MYO5B: variants seen among roughly 807,000 people sequenced by gnomAD.
MYO5B encodes the protein myosin VB.
A neutral mutation model predicts 229.3 loss-of-function variants in MYO5B; 143 were observed. That is an observed-to-expected ratio of 0.62 (90% CI 0.54 to 0.72). The LOEUF (loss-of-function observed/expected upper bound fraction) is 0.72. Ranked by LOEUF, MYO5B falls within the 30% of genes least tolerant of loss-of-function variation. MYO5B has a pLI of 0.00. For missense variants in MYO5B, 2,321 were observed against 2,331.0 expected (o/e 1.00, Z 0.09); for synonymous variants, 918 against 885.2 (o/e 1.04, Z -0.66).
intron 4 of MYO5B, among the ~76,000 whole-genome samples, chr18:50,018,419 T>C (rs12327341): frequency 0.11 from 17,335 of 152,294 alleles, 1,254 homozygotes; most frequent in Middle Eastern, 0.19. Context: ...CAATTGTTCA[T>C]TCCTTATATG....
At chr18:49,940,209 A>C (rs1373889077) in intron 14 of MYO5B, among the ~76,000 whole-genome samples, 1 of 152,246 alleles carries the variant, frequency 6.6e-6, no homozygotes, top group Non-Finnish European at 1.5e-5. Flanking sequence ...AGCATATCAA[A>C]ACAACGCAAT....
chr18:49,996,684 T>A (rs1028625534), intron 5 of MYO5B, among the ~76,000 whole-genome samples: 1 of 152,162 alleles, frequency 6.6e-6, no homozygotes, highest in Non-Finnish European at 1.5e-5. Flanking sequence ...TATCAAGTAG[T>A]ATGAAAACAC....
chr18:49,962,186 T>G, intron 12 of MYO5B, 80 bp downstream of exon 12: 1 of 1,587,378 alleles, frequency 6.3e-7, no homozygotes, highest in Non-Finnish European at 8.7e-7. Flanking sequence ...CAGATGAAAT[T>G]CCACCTTTGA....
chr18:50,190,667 G>A (rs2144363210), intron 1 of MYO5B, among the ~76,000 whole-genome samples: 1 of 152,254 alleles, frequency 6.6e-6, no homozygotes, highest in East Asian at 1.9e-4. Flanking sequence ...CACTTGAAGG[G>A]AACAGATCAA....
intron 32 of MYO5B, among the ~76,000 whole-genome samples, chr18:49,847,504 A>C (rs983722724): frequency 6.6e-6 from 1 of 152,170 alleles, no homozygotes; most frequent in Non-Finnish European, 1.5e-5. Flanking sequence ...CCACACCCCA[A>C]GTGTGAGGAG....
intron 9 of MYO5B, among the ~76,000 whole-genome samples, chr18:49,976,943 A>T (rs1416419417): frequency 6.6e-6 from 1 of 152,218 alleles, no homozygotes; most frequent in Non-Finnish European, 1.5e-5. Context: ...AGAAATTCTT[A>T]ATTGCTAGGC....
intron 4 of MYO5B, among the ~76,000 whole-genome samples, chr18:50,025,060 C>T (rs73959844): frequency 0.031 from 4,693 of 152,200 alleles, 224 homozygotes; most frequent in African/African-American, 0.1. Flanking sequence ...TTATGTGGTG[C>T]CTACTGTCCT....
At position 50,055,536 on chromosome 18, in the gene MYO5B, CATG is replaced by C. The variant is rs1451593904; in HGVS notation, c.28-161_28-159del. On this transcript the variant is annotated intron_variant, in intron 1 of 39. Transcript: ENST00000285039. ...TTCAGGACACAACGTGATCCGATATCATGATAACAGGGGAACAACTCACAGGAC... is the reference window on the plus strand; with the variant it reads ...TTCAGGACACAACGTGATCCGATATCATAACAGGGGAACAACTCACAGGAC... 5.9e-5 allele frequency among the ~76,000 whole-genome samples: 9 copies of C among 152,308 alleles called. No individual in the cohort carries two copies. In the East Asian group the frequency reaches 7.7e-4, roughly 13 times the overall value.
At chr18:50,145,975 A>C (rs2032496614) in intron 1 of MYO5B, among the ~76,000 whole-genome samples, 1 of 152,252 alleles carries the variant, frequency 6.6e-6, no homozygotes, top group African/African-American at 2.4e-5. Flanking sequence ...ATTTGTTTTA[A>C]CTTTGTTTTG....
At chr18:49,970,302 G>A (rs1215777138) in intron 10 of MYO5B, among the ~76,000 whole-genome samples, 2 of 152,178 alleles carry the variant, frequency 1.3e-5, no homozygotes, top group East Asian at 1.9e-4. Flanking sequence ...TCTGAGTACT[G>A]CTTGCTTTGC....
At chr18:50,145,212 G>T (rs1277725312) in intron 1 of MYO5B, among the ~76,000 whole-genome samples, 1 of 152,090 alleles carries the variant, frequency 6.6e-6, no homozygotes, top group African/African-American at 2.4e-5. Context: ...TCTCAGCCGG[G>T]TGCAGCTCCT....
At chr18:50,025,873 A>C (rs1479324645) in intron 4 of MYO5B, among the ~76,000 whole-genome samples, 1 of 152,178 alleles carries the variant, frequency 6.6e-6, no homozygotes, top group African/African-American at 2.4e-5. Flanking sequence ...CATTAAACTC[A>C]TTATCTTACT....
At chr18:50,060,122 G>A (rs1031844040) in intron 1 of MYO5B, among the ~76,000 whole-genome samples, 3 of 152,124 alleles carry the variant, frequency 2.0e-5, no homozygotes, top group South Asian at 2.1e-4. Context: ...AACACTGAAT[G>A]TACTAAAAGC....
intron 25 of MYO5B, chr18:49,876,312 C>T (rs544737135): frequency 7.6e-6 from 2 of 262,144 alleles, no homozygotes; most frequent in Non-Finnish European, 1.5e-5. Context: ...GCCCCGGAAC[C>T]TATTTATCCA....
chr18:50,013,387 C>T (rs772331173), intron 4 of MYO5B, among the ~76,000 whole-genome samples: 5 of 152,322 alleles, frequency 3.3e-5, no homozygotes, highest in Non-Finnish European at 4.4e-5. Context: ...GCATCCCTCC[C>T]AACTGCACCT....
At chr18:49,878,870 C>A in intron 24 of MYO5B, 75 bp downstream of exon 24, 4 of 1,544,758 alleles carry the variant, frequency 2.6e-6, no homozygotes, top group Non-Finnish European at 3.6e-6. Flanking sequence ...GAAAGCAGTG[C>A]CTGAGATCAC....
intron 14 of MYO5B, among the ~76,000 whole-genome samples, chr18:49,951,568 GT>G (rs1344759365): frequency 6.6e-6 from 1 of 152,128 alleles, no homozygotes; most frequent in Non-Finnish European, 1.5e-5. Context: ...ATATAACAGA[GT>G]TTTCCGGGCA....
intron 4 of MYO5B, among the ~76,000 whole-genome samples, chr18:50,012,117 G>C (rs553766912): frequency 6.6e-6 from 1 of 152,196 alleles, no homozygotes; most frequent in African/African-American, 2.4e-5. Context: ...ACACCAATTA[G>C]ATCAAAATCT....
chr18:50,066,737 C>T (rs1425777550), intron 1 of MYO5B, among the ~76,000 whole-genome samples: 1 of 152,152 alleles, frequency 6.6e-6, no homozygotes, highest in Non-Finnish European at 1.5e-5. Context: ...TTACTATTAC[C>T]CTAAGACCTT....
Sources: allele counts gnomAD v4.1 joint callset (sites outside exome capture counted in the v4.1 genomes callset), GRCh38; gene constraint gnomAD v4.1.1; transcripts MANE v1.5; gene names NCBI Gene and HGNC (gene_info 2026-07-23, HGNC 2026-07-21).